Variants in APOF observed in about 807,000 individuals in gnomAD.
The protein encoded by APOF is lipid transfer inhibitor protein.
Under a neutral mutation model 2.4 loss-of-function variants are expected in APOF, and 2 were observed. That is an observed-to-expected ratio of 0.83 (90% confidence interval 0.34 to 2.61). The LOEUF (loss-of-function observed/expected upper bound fraction) is 2.61. Ranked by LOEUF, APOF falls within the 30% of genes most tolerant of loss-of-function variation. APOF has a pLI of 0.11. For synonymous variants in APOF, 149 were observed against 155.6 expected (o/e 0.96, Z 0.32); for missense variants, 370 against 388.7 (o/e 0.95, Z 0.40).
rs1211016853 is a variant in APOF at position 56,361,282 on chromosome 12, C to A, written c.924G>T (p.Gly308=). 6.2e-7 allele frequency: 1 copy of A among 1,613,998 alleles called. No individual in the cohort carries two copies. Among genetic ancestry groups the A allele is most frequent in the Non-Finnish European group, 8.5e-7 (1 of 1,179,898 alleles). The change falls in exon 2 of 2, where the codon GGG becomes GGT. Residue 308 remains glycine (G), a synonymous_variant. Coordinates refer to ENST00000398189, the MANE Select transcript of APOF (RefSeq NM_001638.4). ...SEVVSSAPYW[G]WAIIKSYDLD... is the part of the protein sequence containing the mutation. The stretch of plus-strand genomic sequence containing the variant: ...AGTCATAGCTCTTGATTATGGCCCA[C>A]CCCCAGTAGGGAGCTGAACTTACTA...
Position 56,361,786 on chromosome 12 carries a change from C to T in APOF, c.420G>A (p.Val140=). The part of the protein sequence containing the change: ...LQKGRSTERN[V]SVEALASALQ... ...GAGCAGAGGCCAGGGCTTCCACTGA[C>T]ACGTTCCTCTCTGTGCTTCTGCCTT... The change falls in exon 2 of 2, where the codon GTG becomes GTA. Residue 140 remains valine (V), a synonymous_variant. Transcript: ENST00000398189. 3.1e-6 allele frequency: 5 copies of T among 1,611,624 alleles called. No homozygotes were observed. Among genetic ancestry groups the T allele is most frequent in the Non-Finnish European group, 4.2e-6 (5 of 1,178,906 alleles).
Position 56,361,792 on chromosome 12 carries a change from C to T in APOF, c.414G>A (p.Arg138=), listed in dbSNP as rs2136110131. ...AGGCCAGGGCTTCCACTGACACGTT[C>T]CTCTCTGTGCTTCTGCCTTTCTGGA... ...RGLQKGRSTE[R]NVSVEALASA... Residue 138 remains arginine (R), a synonymous_variant, in exon 2 of 2, where the codon AGG becomes AGA. Transcript: ENST00000398189. 10 of 1,612,122 alleles carry T rather than the reference C, an allele frequency of 6.2e-6. No homozygotes were observed. In the East Asian group the frequency reaches 1.3e-4, roughly 22 times the overall value.
rs1421773593 is a variant in APOF, at chr12:56,361,613, G to A, written c.593C>T (p.Ala198Val). The A allele has an allele frequency of 6.2e-7, 1 of 1,613,842 alleles. No individual in the cohort carries two copies. Among genetic ancestry groups the A allele is most frequent in the Non-Finnish European group, 8.5e-7 (1 of 1,179,882 alleles). The change falls in exon 2 of 2, where the codon GCT (alanine) becomes GTT (valine). Residue 198 changes from alanine to valine, a missense_variant. Ala to Val is a moderately conservative substitution (Grantham distance 64). Transcript: ENST00000398189. Reference sequence around the variant, plus strand: ...GCAGTTTTGAGTAGCATAATACAAAGCTGTGCCCAGGTTGTAGAAGGTTCC... The same window carrying A: ...GCAGTTTTGAGTAGCATAATACAAAACTGTGCCCAGGTTGTAGAAGGTTCC... ...GVGTFYNLGT[A>V]LYYATQNCLG...
intron 1 of APOF, 60 bp downstream of exon 1, chr12:56,362,670 T>C (rs1880432719): frequency 6.3e-7 from 1 of 1,579,370 alleles, no homozygotes; most frequent in African/African-American, 1.3e-5. Flanking sequence ...GTCTCCCCCA[T>C]TTACAGGTCA....
At position 56,361,573 on chromosome 12, in the gene APOF, C is replaced by G. The variant is rs759646761; in HGVS notation, c.633G>C (p.Arg211Ser). Residue 211 changes from arginine (R) to serine (S), a missense_variant, in exon 2 of 2, where the codon AGG becomes AGC. By Grantham distance (110) the Arg-to-Ser change is moderately radical. Coordinates refer to ENST00000398189, the MANE Select transcript of APOF (RefSeq NM_001638.4). Reference sequence around the variant, plus strand: ...CTATGGCCCCATCTCGGCCTCGTTCCCTGGCCTTGCCCAGGCAGTTTTGAG... The same window carrying G: ...CTATGGCCCCATCTCGGCCTCGTTCGCTGGCCTTGCCCAGGCAGTTTTGAG... ...YATQNCLGKA[R>S]ERGRDGAIDL... 2.5e-6 allele frequency: 4 copies of G among 1,614,056 alleles called. No individual in the cohort carries two copies. In the South Asian group the frequency reaches 4.4e-5, roughly 18 times the overall value.
chr12:56,362,279 C>G, intron 1 of APOF, 90 bp from the exon 2 acceptor site: 22 of 1,434,170 alleles, frequency 1.5e-5, no homozygotes, highest in African/African-American at 2.8e-5. Context: ...CCTCATACAT[C>G]ACCTGCTTCC....
At position 56,362,764 on chromosome 12, in the gene APOF, TG is replaced by T. The variant is rs1411114818; in HGVS notation, c.-20del. On this transcript the variant is annotated 5_prime_UTR_variant, in exon 1 of 2. Coordinates refer to ENST00000398189, the MANE Select transcript of APOF (RefSeq NM_001638.4). The stretch of plus-strand genomic sequence containing the variant: ...CAGTCATTGAGAAGTGAGACTGCCT[TG>T]GTAGGTTTGATCGCTTCCTGATCCT... The T allele has an allele frequency of 1.9e-6, 3 of 1,613,692 alleles. No homozygotes were observed. Among genetic ancestry groups the T allele is most frequent in the African/African-American group, 2.7e-5 (2 of 74,924 alleles).
In APOF at chr12:56,361,055, A is replaced by G; in HGVS notation, c.*170T>C. On this transcript the variant is annotated 3_prime_UTR_variant, in exon 2 of 2. Coordinates refer to ENST00000398189, the MANE Select transcript of APOF (RefSeq NM_001638.4). ...TTCAGTGATCACCGAGGCTCTAACA[A>G]GTGGAGCCTAGATTCGAAACCAAAC... is the stretch of plus-strand genomic sequence containing the variant. 1 of 691,434 alleles carries G rather than the reference A, an allele frequency of 1.4e-6. No homozygotes were observed. Among genetic ancestry groups the G allele is most frequent in the Non-Finnish European group, 2.4e-6 (1 of 423,610 alleles). 42.8% of individuals were successfully genotyped at this position (691,434 alleles called of 1,614,324 possible).
rs761612532 is a variant in APOF, at chr12:56,361,203, A to G, written c.*22T>C. ...GCTTGTCAGGGTAGTACAGTTATTA[A>G]TTCTGTGGTTACCACATTCTTTTAT... On this transcript the variant is annotated 3_prime_UTR_variant, in exon 2 of 2. Coordinates refer to ENST00000398189, the MANE Select transcript of APOF (RefSeq NM_001638.4). 2.7e-5 allele frequency: 43 copies of G among 1,603,416 alleles called. No homozygotes were observed. Among genetic ancestry groups the G allele is most frequent in the Non-Finnish European group, 2.7e-5 (32 of 1,174,550 alleles).
intron 1 of APOF, 118 bp downstream of exon 1, chr12:56,362,612 A>G: frequency 2.0e-6 from 2 of 1,011,520 alleles, no homozygotes. Flanking sequence ...TGTTCTTTTT[A>G]GGTAAAGGCC....
Position 56,361,554 on chromosome 12 carries a change from C to T in APOF, c.652G>A (p.Ala218Thr). The T allele has an allele frequency of 6.2e-7, 1 of 1,614,074 alleles. No individual in the cohort carries two copies. ...GKARERGRDG[A>T]IDLGYDLLMT... is the part of the protein sequence containing the mutation. ...AGAAGGTCATATCCCAGATCTATGG[C>T]CCCATCTCGGCCTCGTTCCCTGGCC... is the stretch of plus-strand genomic sequence containing the variant. Residue 218 changes from alanine to threonine, a missense_variant, in exon 2 of 2, where the codon GCC becomes ACC. Coordinates refer to ENST00000398189, the MANE Select transcript of APOF (RefSeq NM_001638.4).
Position 56,361,809 on chromosome 12 carries a change from C to T in APOF, c.397G>A (p.Gly133Ser), listed in dbSNP as rs922980404. Residue 133 changes from glycine to serine, a missense_variant, in exon 2 of 2, where the codon GGC becomes AGC. Physicochemically the swap from Gly to Ser is moderately conservative, Grantham distance 56. Coordinates refer to ENST00000398189, the MANE Select transcript of APOF (RefSeq NM_001638.4). ...LIQHLRGLQKGRSTERNVSVE... is the reference protein window; with the variant it reads ...LIQHLRGLQKSRSTERNVSVE... ...GACACGTTCCTCTCTGTGCTTCTGC[C>T]TTTCTGGAGCCCTCGAAGATGCTGG... 3 of 1,612,992 alleles carry T rather than the reference C, an allele frequency of 1.9e-6. No individual in the cohort carries two copies. Among genetic ancestry groups the T allele is most frequent in the Middle Eastern group, 1.7e-4 (1 of 6,060 alleles).
Position 56,361,848 on chromosome 12 carries a change from T to C in APOF, c.358A>G (p.Thr120Ala). 2 of 1,613,624 alleles carry C rather than the reference T, an allele frequency of 1.2e-6. No homozygotes were observed. The highest frequency in any genetic ancestry group is 1.7e-6 in the Non-Finnish European group (2 of 1,179,742). ...QLYRQGGVNA[T>A]QVLIQHLRGL... ...CGAAGATGCTGGATGAGGACCTGTG[T>C]AGCATTCACACCACCCTGGCGGTAG... Residue 120 changes from threonine to alanine, a missense_variant, in exon 2 of 2, where the codon ACA becomes GCA. Coordinates refer to ENST00000398189, the MANE Select transcript of APOF (RefSeq NM_001638.4).
Position 56,362,004 on chromosome 12 carries a change from G to C in APOF, c.202C>G (p.Leu68Val). ...AAACCAGGCAGTGACTTTGGGTGCA[G>C]AAATTGGCAGGACAAGGGGTCTGAG... The part of the protein sequence containing the change: ...PSSDPLSCQF[L>V]HPKSLPGFSH... Residue 68 changes from leucine (L) to valine (V), a missense_variant, in exon 2 of 2, where the codon CTG (leucine) becomes GTG (valine). Physicochemically the swap from Leu to Val is conservative, Grantham distance 32. Coordinates refer to ENST00000398189, the MANE Select transcript of APOF (RefSeq NM_001638.4). The C allele has an allele frequency of 6.2e-7, 1 of 1,614,028 alleles. No individual in the cohort carries two copies.
chr12:56,361,620 C>T lies in APOF; in HGVS notation c.586G>A (p.Gly196Ser), dbSNP rs1880356608. 6.2e-7 allele frequency: 1 copy of T among 1,613,792 alleles called. No homozygotes were observed. Among genetic ancestry groups the T allele is most frequent in the African/African-American group, 1.3e-5 (1 of 74,918 alleles). ...TGAGTAGCATAATACAAAGCTGTGC[C>T]CAGGTTGTAGAAGGTTCCCACTCCT... is the stretch of plus-strand genomic sequence containing the variant. ...LPGVGTFYNL[G>S]TALYYATQNC... Residue 196 changes from glycine (G) to serine (S), a missense_variant, in exon 2 of 2, where the codon GGC becomes AGC. By Grantham distance (56) the Gly-to-Ser change is moderately conservative. Coordinates refer to ENST00000398189, the MANE Select transcript of APOF (RefSeq NM_001638.4).
Position 56,362,288 on chromosome 12 carries a change from C to A in APOF, c.17-99G>T, listed in dbSNP as rs1027231518. On this transcript the variant is annotated intron_variant, in intron 1 of 1. Transcript: ENST00000398189. ...GGGACACCTCATACATCACCTGCTTCCAAGCTTTTGTACTTTCTTTTTAGA... is the reference window on the plus strand; with the variant it reads ...GGGACACCTCATACATCACCTGCTTACAAGCTTTTGTACTTTCTTTTTAGA... The A allele has an allele frequency of 1.0e-5, 14 of 1,399,276 alleles. No individual in the cohort carries two copies. The African/African-American group carries it at 1.9e-4, about 19-fold the overall frequency. The allele number at this position is 1,399,276 out of a possible 1,614,324, so 86.7% of individuals were successfully genotyped here. A position where few individuals can be genotyped will look rare whatever the true frequency, so the allele number is the denominator to read the frequency against.
rs1275567865 is a variant in APOF, at chr12:56,361,184, C to A, written c.*41G>T. 1.9e-6 allele frequency: 3 copies of A among 1,578,010 alleles called. No individual in the cohort carries two copies. The highest frequency in any genetic ancestry group is 2.4e-5 in the South Asian group (2 of 85,094). Reference sequence around the variant, plus strand: ...TTTTGAAGACATGTATATAGCTTGTCAGGGTAGTACAGTTATTAATTCTGT... The same window carrying A: ...TTTTGAAGACATGTATATAGCTTGTAAGGGTAGTACAGTTATTAATTCTGT... On this transcript the variant is annotated 3_prime_UTR_variant, in exon 2 of 2. Coordinates refer to ENST00000398189, the MANE Select transcript of APOF (RefSeq NM_001638.4).
rs1193829517 is a variant in APOF, at chr12:56,362,096, G to A, written c.110C>T (p.Thr37Ile). Residue 37 changes from threonine to isoleucine, a missense_variant, in exon 2 of 2, where the codon ACT (threonine) becomes ATT (isoleucine). By Grantham distance (89) the Thr-to-Ile change is moderately conservative. Coordinates refer to ENST00000398189, the MANE Select transcript of APOF (RefSeq NM_001638.4). ...GACATTTGTCTGCTTTCCATATGAA[G>A]TGGCATCCACAGGGTGCAGCAGGAG... ...CYLLLHPVDA[T>I]SYGKQTNVLM... is the part of the protein sequence containing the mutation. 2 of 1,614,028 alleles carry A rather than the reference G, an allele frequency of 1.2e-6. No individual in the cohort carries two copies. Among genetic ancestry groups the A allele is most frequent in the South Asian group, 2.2e-5 (2 of 91,088 alleles).
Position 56,361,270 on chromosome 12 carries a change from G to T in APOF, c.936C>A (p.Ile312=), listed in dbSNP as rs1403263902. Residue 312 remains isoleucine, a synonymous_variant, in exon 2 of 2, where the codon ATC becomes ATA. Coordinates refer to ENST00000398189, the MANE Select transcript of APOF (RefSeq NM_001638.4). ...CCCCAGGATCTAAGTCATAGCTCTT[G>T]ATTATGGCCCACCCCCAGTAGGGAG... ...SSAPYWGWAI[I]KSYDLDPGAG... 6.2e-7 allele frequency: 1 copy of T among 1,613,990 alleles called. No individual in the cohort carries two copies. Among genetic ancestry groups the T allele is most frequent in the South Asian group, 1.1e-5 (1 of 91,080 alleles).
Sources: gnomAD v4.1 joint callset for allele counts on GRCh38, gnomAD v4.1.1 for gene constraint, MANE v1.5 for transcripts, NCBI Gene and HGNC (gene_info 2026-07-23, HGNC 2026-07-21) for gene names.